The following AGXT variants were observed in gnomAD, a reference collection of about 807,000 sequenced individuals.
AGXT encodes L-alanine: glyoxylate aminotransferase 1.
AGXT carries 41 observed loss-of-function variants against 46.9 expected under a neutral mutation model. That is an observed-to-expected ratio of 0.88 (90% confidence interval 0.68 to 1.14). The LOEUF is 1.14. Ranked by LOEUF, AGXT falls within the 50% of genes most tolerant of loss-of-function variation. AGXT has a pLI of 0.00. For synonymous variants in AGXT, 244 were observed against 227.9 expected, an observed-to-expected ratio of 1.07 and a Z score of -0.64; for missense variants, 525 against 522.7, an observed-to-expected ratio of 1.00 and a Z score of -0.04.
At chr2:240,871,540 C>A (rs10196315) in intron 4 of AGXT, 91 bp downstream of exon 4, 1 of 1,205,296 alleles carries the variant, frequency 8.3e-7, no homozygotes, top group Non-Finnish European at 1.2e-6. Flanking sequence ...TCCTTCTGCC[C>A]CTGGTCCCCA....
chr2:240,873,726 G>C (rs1032166394), intron 5 of AGXT, among the ~76,000 whole-genome samples: 1 of 152,142 alleles, frequency 6.6e-6, no homozygotes, highest in Non-Finnish European at 1.5e-5. Flanking sequence ...TGCCTGGGGT[G>C]GCAGGGCTGT....
At position 240,880,282 on chromosome 2, in the gene AGXT, C is replaced by T. The variant is rs1249792522; in HGVS notation, c.*1461C>T. The T allele has an allele frequency of 1.3e-5, 2 of 152,190 alleles. No homozygotes were observed. 9.4% of individuals were successfully genotyped at this position (152,190 alleles called of 1,614,324 possible). A position where few individuals can be genotyped will look rare whatever the true frequency, so the allele number is the denominator to read the frequency against. ...GGTGCTCCACGTCCTCACCCACACT[C>T]CATGTTGTCTTTTTTTGCTAGGGGG... On this transcript the variant is annotated 3_prime_UTR_variant, in exon 11 of 11. Transcript: ENST00000307503.
At chr2:240,876,051 T>C (rs1243753618) in intron 8 of AGXT, 47 bp downstream of exon 8, 2 of 1,600,928 alleles carry the variant, frequency 1.2e-6, no homozygotes, top group Non-Finnish European at 1.7e-6. Context: ...ACTGGCTGGA[T>C]TGTCGAGGGC....
chr2:240,877,914 C>G, intron 9 of AGXT, 108 bp from the exon 10 acceptor site: 2 of 1,505,318 alleles, frequency 1.3e-6, no homozygotes, highest in South Asian at 1.2e-5. Flanking sequence ...CCTTTCTCCC[C>G]CGGCTCCTCT....
chr2:240,875,450 T>TC (rs1384053055), intron 7 of AGXT, among the ~76,000 whole-genome samples: 2 of 151,944 alleles, frequency 1.3e-5, no homozygotes, highest in African/African-American at 2.4e-5. Flanking sequence ...ACAAACACTG[T>TC]CCCCCCAGAG....
chr2:240,870,843 C>T (rs1414178084), intron 3 of AGXT, 135 bp downstream of exon 3: 1 of 842,846 alleles, frequency 1.2e-6, no homozygotes, highest in Non-Finnish European at 1.9e-6. Context: ...TCAGCCCATC[C>T]TAGCATCTGG....
rs202155784 is a variant in AGXT, at chr2:240,875,129, A to G, written c.701A>G (p.Lys234Arg). The change falls in exon 7 of 11, where the codon AAG (lysine) becomes AGG (arginine). Residue 234 changes from lysine to arginine, a missense_variant. Lys to Arg is a conservative substitution (Grantham distance 26, BLOSUM62 2). Coordinates refer to ENST00000307503, the MANE Select transcript of AGXT (RefSeq NM_000030.3). ...DKAKKKMYSR[K>R]TKPFSFYLDI... is the part of the protein sequence containing the mutation. ...CCCAGAAAGAAGATGTACTCCCGCA[A>G]GACGAAGCCCTTCTCCTTCTACCTG... The G allele has an allele frequency of 2.0e-5, 32 of 1,613,618 alleles. No homozygotes were observed. In the East Asian group the frequency reaches 6.7e-4, roughly 34 times the overall value.
intron 2 of AGXT, 53 bp from the exon 3 acceptor site, chr2:240,870,591 T>C: frequency 6.5e-7 from 1 of 1,545,826 alleles, no homozygotes; most frequent in South Asian, 1.2e-5. Context: ...TGCCCAACAC[T>C]GGCTTCTACA....
At position 240,880,180 on chromosome 2, in the gene AGXT, T is replaced by G. The variant is rs2059051137; in HGVS notation, c.*1359T>G. The G allele has an allele frequency of 6.6e-6, 1 of 152,222 alleles. No homozygotes were observed. Among genetic ancestry groups the G allele is most frequent in the Non-Finnish European group, 1.5e-5 (1 of 68,056 alleles). The allele number at this position is 152,222 out of a possible 1,614,324, so 9.4% of individuals were successfully genotyped here. A position where few individuals can be genotyped will look rare whatever the true frequency, so the allele number is the denominator to read the frequency against. On this transcript the variant is annotated 3_prime_UTR_variant, in exon 11 of 11. Transcript: ENST00000307503. Reference sequence around the variant, plus strand: ...GGAATTGCAGGGTCATACAATAGGCTTAACCTTATACGAGACTGCCACGAA... The same window carrying G: ...GGAATTGCAGGGTCATACAATAGGCGTAACCTTATACGAGACTGCCACGAA...
chr2:240,871,593 G>C (rs1481386606), intron 4 of AGXT, 144 bp downstream of exon 4: 3 of 787,232 alleles, frequency 3.8e-6, no homozygotes, highest in Non-Finnish European at 4.2e-6. Flanking sequence ...GCACCTCCCA[G>C]GTCCTCTTTG....
chr2:240,870,544 C>A, intron 2 of AGXT, 100 bp from the exon 3 acceptor site: 1 of 1,416,002 alleles, frequency 7.1e-7, no homozygotes, highest in Non-Finnish European at 9.7e-7. Context: ...TGGGTGGGGT[C>A]CAGCCCTCAC....
chr2:240,873,268 G>T, intron 5 of AGXT: 1 of 566,514 alleles, frequency 1.8e-6, no homozygotes, highest in Non-Finnish European at 3.2e-6. Flanking sequence ...CCAGGCGTGG[G>T]GACTGGCAGG....
chr2:240,877,969 A>G (rs1241317799), intron 9 of AGXT, 53 bp from the exon 10 acceptor site: 1 of 1,601,106 alleles, frequency 6.2e-7, no homozygotes, highest in Admixed American at 1.7e-5. Flanking sequence ...GAGCTGTCAC[A>G]AAGGCCCGTA....
chr2:240,877,213 C>T (rs1490671541), intron 8 of AGXT: 4 of 529,930 alleles, frequency 7.5e-6, no homozygotes, highest in Non-Finnish European at 1.1e-5. Flanking sequence ...TGATCCACTC[C>T]AGCCCTGTGT....
chr2:240,879,021 C>T lies in AGXT; in HGVS notation c.*200C>T. 1 of 618,642 alleles carries T rather than the reference C, an allele frequency of 1.6e-6. No homozygotes were observed. The highest frequency in any genetic ancestry group is 1.9e-5 in the South Asian group (1 of 52,552). The allele number at this position is 618,642 out of a possible 1,614,324, so 38.3% of individuals were successfully genotyped here. On this transcript the variant is annotated 3_prime_UTR_variant, in exon 11 of 11. Coordinates refer to ENST00000307503, the MANE Select transcript of AGXT (RefSeq NM_000030.3). ...CCAGTGGCACCTCCTGGAAACAGTC[C>T]ACTTGGGCGCAAAACCCAGTGCCTT...
In AGXT at chr2:240,878,495, C is replaced by G. The variant is rs35561942; in HGVS notation, c.1072-219C>G. The stretch of plus-strand genomic sequence containing the variant: ...AGGGACCTTCACTGCACCACCCTGT[C>G]CTCCCGTGTGGCTGCGGGTGCAGAG... On this transcript the variant is annotated intron_variant, in intron 10 of 10. Transcript: ENST00000307503. 0.062 allele frequency among the ~76,000 whole-genome samples: 9,479 copies of G among 152,310 alleles called. 413 individuals carry two copies. Among genetic ancestry groups the G allele is most frequent in the Non-Finnish European group, 0.093 (6,355 of 68,006 alleles).
rs547382059 is a variant in AGXT, at chr2:240,869,461, G to A, written c.358+99G>A. On this transcript the variant is annotated intron_variant, in intron 2 of 10. Transcript: ENST00000307503. ...GCTGGCAGCCCCCGTTCCTGGGTGA[G>A]CGCTTACCCACCTTGTGGCCCTGTG... 205 of 1,374,372 alleles carry A rather than the reference G, an allele frequency of 1.5e-4. 4 individuals carry two copies. In the African/African-American group the frequency reaches 1.9e-3, roughly 13 times the overall value. 85.1% of individuals were successfully genotyped at this position (1,374,372 alleles called of 1,614,324 possible).
chr2:240,875,901 A>G (rs1234502426), intron 7 of AGXT, 34 bp from the exon 8 acceptor site: 3 of 1,611,372 alleles, frequency 1.9e-6, no homozygotes, highest in Non-Finnish European at 2.5e-6. Context: ...AACCCTGCCC[A>G]TGGTGCTGGA....
intron 8 of AGXT, 113 bp from the exon 9 acceptor site, chr2:240,877,424 G>C (rs935583247): frequency 2.9e-6 from 3 of 1,048,614 alleles, no homozygotes; most frequent in Admixed American, 2.0e-5. Flanking sequence ...GGCTCCAGGG[G>C]CTCCCCTGCA....
Sources: allele counts gnomAD v4.1 joint callset (sites outside exome capture counted in the v4.1 genomes callset), GRCh38; gene constraint gnomAD v4.1.1; transcripts MANE v1.5; gene names NCBI Gene and HGNC (gene_info 2026-07-23, HGNC 2026-07-21).